Variants in CREB3L1 observed in about 807,000 individuals in gnomAD.
CREB3L1 encodes cyclic AMP-responsive element-binding protein 3-like protein 1.
CREB3L1 carries 33 observed loss-of-function variants against 54.5 expected under a neutral mutation model. The observed-to-expected ratio is 0.61, with a 90% CI of 0.46 to 0.81. The LOEUF (loss-of-function observed/expected upper bound fraction) is 0.81. CREB3L1 is among the 30% of genes least tolerant of loss of function. The pLI is 0.00. For synonymous variants in CREB3L1, 284 were observed against 286.4 expected (o/e 0.99, Z 0.08); for missense variants, 656 against 673.3 (o/e 0.97, Z 0.29).
At chr11:46,300,690 G>C (rs1939284199) in intron 2 of CREB3L1, among the ~76,000 whole-genome samples, 2 of 151,498 alleles carry the variant, frequency 1.3e-5, no homozygotes, top group African/African-American at 4.9e-5. Context: ...CCAACATATG[G>C]TGAAACCCCG....
At chr11:46,314,140 A>G (rs1194135493) in intron 8 of CREB3L1, among the ~76,000 whole-genome samples, 3 of 151,592 alleles carry the variant, frequency 2.0e-5, no homozygotes, top group African/African-American at 7.3e-5. Flanking sequence ...CAGGAGGTTG[A>G]GGGAAAAGAA....
rs1047343755 is a variant in CREB3L1 at position 46,320,377 on chromosome 11, C to A, written c.1372C>A (p.Pro458Thr). ...PDGWEINPGG[P>T]AEQRPRDHLQ... ...TGGCTGGGAAATCAACCCCGGGGGG[C>A]CGGCAGAGCAGCGGCCCCGGGACCA... The change falls in exon 11 of 12, where the codon CCG becomes ACG. Residue 458 changes from proline (P) to threonine (T), a missense_variant. By Grantham distance (38) the Pro-to-Thr change is conservative. Transcript: ENST00000621158. The A allele has an allele frequency of 3.7e-6, 6 of 1,610,390 alleles. No homozygotes were observed. Among genetic ancestry groups the A allele is most frequent in the Admixed American group, 3.4e-5 (2 of 59,414 alleles).
chr11:46,298,782 C>G (rs1169599383), intron 1 of CREB3L1, among the ~76,000 whole-genome samples: 2 of 152,150 alleles, frequency 1.3e-5, no homozygotes, highest in African/African-American at 4.8e-5. Flanking sequence ...CAAGAACCTA[C>G]CATATGTCAG....
At position 46,310,036 on chromosome 11, in the gene CREB3L1, G is replaced by T; in HGVS notation, c.564G>T (p.Leu188=). Residue 188 remains leucine, a synonymous_variant, in exon 4 of 12, where the codon CTG becomes CTT. Transcript: ENST00000621158. The stretch of plus-strand genomic sequence containing the variant: ...TGCCAGTGATCAAAGCAGAGCCTCT[G>T]GAGGTGAACCAGTTCCTCAAAGTGA... ...TQLPVIKAEP[L]EVNQFLKVTP... 6.2e-7 allele frequency: 1 copy of T among 1,602,248 alleles called. No individual in the cohort carries two copies.
chr11:46,308,818 C>T (rs1388930955), intron 3 of CREB3L1, among the ~76,000 whole-genome samples: 5 of 152,192 alleles, frequency 3.3e-5, no homozygotes, highest in Non-Finnish European at 5.9e-5. Flanking sequence ...CCCGTGGGAT[C>T]AAGGGTCGGC....
chr11:46,302,497 C>T (rs980841510), intron 2 of CREB3L1, among the ~76,000 whole-genome samples: 2 of 152,308 alleles, frequency 1.3e-5, no homozygotes, highest in African/African-American at 2.4e-5. Context: ...CTTTTGGCTA[C>T]GTGATCACAG....
chr11:46,312,640 A>G lies in CREB3L1; in HGVS notation c.932A>G (p.Lys311Arg), dbSNP rs1229946263. The G allele has an allele frequency of 6.2e-7, 1 of 1,611,648 alleles. No individual in the cohort carries two copies. The highest frequency in any genetic ancestry group is 8.5e-7 in the Non-Finnish European group (1 of 1,178,864). Residue 311 changes from lysine (K) to arginine (R), a missense_variant, in exon 7 of 12, where the codon AAG becomes AGG. Physicochemically the swap from Lys to Arg is conservative, Grantham distance 26 (BLOSUM62 2). This residue lies in a region of CREB3L1 where 77 missense variants were observed against 122.0 expected (regional missense o/e 0.63). Coordinates refer to ENST00000621158, the MANE Select transcript of CREB3L1 (RefSeq NM_052854.4). ...TCAGCCCAGGAGAGCCGTCGTAAGAAGAAGGAGTATGTGGAGTGTCTAGAA... is the reference window on the plus strand; with the variant it reads ...TCAGCCCAGGAGAGCCGTCGTAAGAGGAAGGAGTATGTGGAGTGTCTAGAA... Reference protein sequence around the residue: ...KISAQESRRKKKEYVECLEKK... With the variant: ...KISAQESRRKRKEYVECLEKK...
At chr11:46,304,838 T>C (rs1939355831) in intron 2 of CREB3L1, among the ~76,000 whole-genome samples, 1 of 152,116 alleles carries the variant, frequency 6.6e-6, no homozygotes, top group South Asian at 2.1e-4. Context: ...ATTACAGGCA[T>C]GAGCCACCAC....
chr11:46,291,106 G>C (rs779173985), intron 1 of CREB3L1, among the ~76,000 whole-genome samples: 1 of 152,218 alleles, frequency 6.6e-6, no homozygotes, highest in African/African-American at 2.4e-5. Context: ...TGAAGACCCA[G>C]TGGTTTGCCC....
intron 9 of CREB3L1, among the ~76,000 whole-genome samples, chr11:46,317,142 C>T (rs183591331): frequency 9.5e-4 from 144 of 152,090 alleles, no homozygotes; most frequent in African/African-American, 3.2e-3. Flanking sequence ...CCTGTGGCGA[C>T]CCCCCTACAA....
chr11:46,285,188 G>C (rs1201651947), intron 1 of CREB3L1, among the ~76,000 whole-genome samples: 2 of 152,184 alleles, frequency 1.3e-5, no homozygotes, highest in Non-Finnish European at 2.9e-5. Context: ...GCGAGTCCTG[G>C]TACCGAGGCC....
At chr11:46,290,980 C>T (rs963454681) in intron 1 of CREB3L1, among the ~76,000 whole-genome samples, 1 of 152,188 alleles carries the variant, frequency 6.6e-6, no homozygotes, top group Non-Finnish European at 1.5e-5. Flanking sequence ...GGGCTGAGTA[C>T]TGGGGTCTCT....
intron 8 of CREB3L1, chr11:46,315,211 G>C: frequency 3.3e-6 from 1 of 304,250 alleles, no homozygotes; most frequent in Non-Finnish European, 6.7e-6. Context: ...TTCCCTGATT[G>C]GCCTGGAGAA....
At chr11:46,284,303 T>C (rs1453261321) in intron 1 of CREB3L1, among the ~76,000 whole-genome samples, 2 of 151,932 alleles carry the variant, frequency 1.3e-5, no homozygotes, top group Non-Finnish European at 2.9e-5. Context: ...CAGAAGGTGA[T>C]CTCTGCACAT....
chr11:46,278,143 A>G lies in CREB3L1; in HGVS notation c.32A>G (p.Asp11Gly), dbSNP rs1052140211. Residue 11 changes from aspartate to glycine, a missense_variant, in exon 1 of 12, where the codon GAC becomes GGC. This residue lies in a region of CREB3L1 where 339 missense variants were observed against 331.5 expected (regional missense o/e 1.02). Coordinates refer to ENST00000621158, the MANE Select transcript of CREB3L1 (RefSeq NM_052854.4). This position sits in a 1 kb window ranked among gnomAD's most constrained non-coding sequence, Gnocchi z 4.2. ...GCCGTCTTGGAACCCTTCCCGGCCG[A>G]CAGGCTGTTCCCCGGATCCAGCTTC... MDAVLEPFPA[D>G]RLFPGSSFLD... 1.1e-5 allele frequency: 18 copies of G among 1,567,674 alleles called. No homozygotes were observed. The highest frequency in any genetic ancestry group is 1.4e-5 in the Non-Finnish European group (16 of 1,156,284).
chr11:46,291,212 C>T (rs367824115), intron 1 of CREB3L1, among the ~76,000 whole-genome samples: 5 of 152,310 alleles, frequency 3.3e-5, no homozygotes, highest in South Asian at 2.1e-4. Context: ...ACTCTGGAAA[C>T]GGCTGCTTAC....
In CREB3L1 at chr11:46,290,995, C is replaced by T. The variant is rs1291848089; in HGVS notation, c.103-8940C>T. Among the ~76,000 whole-genome samples, 4 of 152,162 alleles carry T rather than the reference C, an allele frequency of 2.6e-5. No individual in the cohort carries two copies. The East Asian group carries it at 7.7e-4, about 29-fold the overall frequency. ...GGGCTGAGTACTGGGGTCTCTTCCCCAGACCCCTGACCCTCAGTGAGCAAG... is the reference window on the plus strand; with the variant it reads ...GGGCTGAGTACTGGGGTCTCTTCCCTAGACCCCTGACCCTCAGTGAGCAAG... On this transcript the variant is annotated intron_variant, in intron 1 of 11. Transcript: ENST00000621158.
intron 2 of CREB3L1, among the ~76,000 whole-genome samples, chr11:46,306,763 T>C (rs557140824): frequency 2.6e-5 from 4 of 151,496 alleles, no homozygotes; most frequent in Non-Finnish European, 5.9e-5. Context: ...TTGTATTTAT[T>C]GAACACTTAC....
intron 9 of CREB3L1, 105 bp from the exon 10 acceptor site, chr11:46,317,256 C>G: frequency 6.8e-7 from 1 of 1,467,210 alleles, no homozygotes; most frequent in Non-Finnish European, 9.4e-7. Flanking sequence ...CTTGGGAAAA[C>G]GCTAAGACTT....
Sources: gnomAD v4.1 joint callset for allele counts (sites outside exome capture counted in the v4.1 genomes callset) on GRCh38, gnomAD v4.1.1 for gene constraint, gnomAD v4.1.1 regional missense constraint, Gnocchi (gnomAD v3.1) non-coding constraint, MANE v1.5 for transcripts, NCBI Gene and HGNC (gene_info 2026-07-23, HGNC 2026-07-21) for gene names.